The following EPB41 variants were observed in gnomAD, a reference collection of about 807,000 sequenced individuals.
EPB41 encodes the protein protein 4.1.
EPB41 carries 65 observed loss-of-function variants against 108.0 expected under a neutral mutation model. The ratio of observed to expected loss-of-function variants is 0.60; its 90% CI spans 0.49 to 0.74. The LOEUF (loss-of-function observed/expected upper bound fraction) is 0.74, where lower values mean the gene tolerates loss of function less well. EPB41 is among the 30% of genes least tolerant of loss of function. The pLI is 0.00. For missense variants in EPB41, 875 were observed against 1,037.0 expected (o/e 0.84, Z 2.15); for synonymous variants, 336 against 358.9 (o/e 0.94, Z 0.72).
At chr1:29,012,858 C>T (rs1353252557) in intron 5 of EPB41, among the ~76,000 whole-genome samples, 1 of 152,050 alleles carries the variant, frequency 6.6e-6, no homozygotes, top group Non-Finnish European at 1.5e-5. Context: ...TATAAAAGCT[C>T]GTTTTAAAAT....
chr1:29,042,282 C>G (rs1487721320), intron 11 of EPB41, among the ~76,000 whole-genome samples: 4 of 151,978 alleles, frequency 2.6e-5, no homozygotes, highest in Admixed American at 2.6e-4. Context: ...GAGTCCCTGC[C>G]CTCATTCAAT....
At chr1:29,096,983 C>T (rs1191665748) in intron 16 of EPB41, 1 of 152,204 alleles carries the variant, frequency 6.6e-6, no homozygotes, top group African/African-American at 2.4e-5. Flanking sequence ...AGGGGCAACT[C>T]ATCTTCTTAT....
intron 1 of EPB41, among the ~76,000 whole-genome samples, chr1:28,894,762 C>T (rs1047750825): frequency 9.2e-5 from 14 of 152,264 alleles, no homozygotes; most frequent in East Asian, 3.9e-4. Flanking sequence ...ACACTTTCCC[C>T]GCATAGGTGT....
chr1:28,963,919 G>C (rs1167909562), intron 1 of EPB41, among the ~76,000 whole-genome samples: 1 of 152,092 alleles, frequency 6.6e-6, no homozygotes, highest in Non-Finnish European at 1.5e-5. Flanking sequence ...GCTTTTTTCT[G>C]ACTCTGAAGC....
chr1:29,094,417 C>T (rs1015806653), intron 16 of EPB41, among the ~76,000 whole-genome samples: 1 of 152,196 alleles, frequency 6.6e-6, no homozygotes. Context: ...GCTGGGACTA[C>T]AGGCACATGC....
intron 1 of EPB41, among the ~76,000 whole-genome samples, chr1:28,924,782 G>A (rs2093344581): frequency 6.6e-6 from 1 of 152,014 alleles, no homozygotes; most frequent in African/African-American, 2.4e-5. Flanking sequence ...TAAAATAGAG[G>A]TATCTGTTCT....
At chr1:28,942,738 T>A (rs1249656826) in intron 1 of EPB41, among the ~76,000 whole-genome samples, 1 of 152,164 alleles carries the variant, frequency 6.6e-6, no homozygotes, top group Non-Finnish European at 1.5e-5. Context: ...GGAGATTGTG[T>A]GGTGGTGGTG....
At chr1:28,900,326 C>T (rs151101524) in intron 1 of EPB41, among the ~76,000 whole-genome samples, 8,308 of 148,778 alleles carry the variant, frequency 0.056, 613 homozygotes, top group African/African-American at 0.17. Context: ...CTCCTTCTAT[C>T]ACCCAGGCTG....
At chr1:28,966,981 A>G (rs1175163786) in intron 1 of EPB41, among the ~76,000 whole-genome samples, 1 of 150,220 alleles carries the variant, frequency 6.7e-6, no homozygotes, top group Non-Finnish European at 1.5e-5. Flanking sequence ...TCAGTTCAGA[A>G]GCAGGTTATA....
chr1:28,909,871 C>A (rs890525626), upstream of EPB41, among the ~76,000 whole-genome samples: 1 of 151,786 alleles, frequency 6.6e-6, no homozygotes, highest in African/African-American at 2.4e-5. Context: ...ATGCTTGAGA[C>A]CAGGAGTTCG....
intron 1 of EPB41, among the ~76,000 whole-genome samples, chr1:28,904,017 C>A (rs533389989): frequency 7.9e-5 from 12 of 152,152 alleles, no homozygotes; most frequent in Admixed American, 3.9e-4. Flanking sequence ...CAGGCACCCA[C>A]CACTGCACCC....
intron 1 of EPB41, among the ~76,000 whole-genome samples, chr1:28,956,337 G>A (rs575564468): frequency 6.6e-6 from 1 of 152,194 alleles, no homozygotes; most frequent in South Asian, 2.1e-4. Flanking sequence ...ACAAAGGCAA[G>A]AGAGAGAGAG....
intron 1 of EPB41, among the ~76,000 whole-genome samples, chr1:28,903,858 T>G (rs2091528438): frequency 1.3e-5 from 2 of 151,826 alleles, no homozygotes; most frequent in Admixed American, 6.6e-5. Flanking sequence ...GTGCAGTTTT[T>G]TTGTTGTTGT....
At chr1:29,046,137 T>A (rs2985342) in intron 11 of EPB41, among the ~76,000 whole-genome samples, 31,332 of 151,638 alleles carry the variant, frequency 0.21, 3,952 homozygotes, top group East Asian at 0.47. Flanking sequence ...ATTTTATTTT[T>A]TTTTTGAGAC....
chr1:28,965,424 G>C (rs968093015), intron 1 of EPB41, among the ~76,000 whole-genome samples: 1 of 152,016 alleles, frequency 6.6e-6, no homozygotes, highest in African/African-American at 2.4e-5. Context: ...GTTTAGTATA[G>C]GGTATTATTA....
chr1:29,000,788 A>T (rs1178871794), intron 4 of EPB41, among the ~76,000 whole-genome samples: 2 of 151,864 alleles, frequency 1.3e-5, no homozygotes, highest in Non-Finnish European at 2.9e-5. Flanking sequence ...TAAGTTTATC[A>T]TGGTAAACCT....
At position 29,058,083 on chromosome 1, in the gene EPB41, T is replaced by C. The variant is rs191282670; in HGVS notation, c.1846-506T>C. On this transcript the variant is annotated intron_variant, in intron 12 of 20. Coordinates refer to ENST00000343067, the MANE Select transcript of EPB41 (RefSeq NM_001376013.1). Reference sequence around the variant, plus strand: ...TAACAAAATCCTTTGTGTTTACTAGTTTGGTGTCATATGTGGTTTATTACA... The same window carrying C: ...TAACAAAATCCTTTGTGTTTACTAGCTTGGTGTCATATGTGGTTTATTACA... Among the ~76,000 whole-genome samples the C allele has an allele frequency of 5.7e-3, 867 of 152,348 alleles. 10 individuals carry two copies. The highest frequency in any genetic ancestry group is 0.02 in the African/African-American group (817 of 41,588).
chr1:28,894,943 C>T (rs142676748), intron 1 of EPB41, among the ~76,000 whole-genome samples: 9 of 152,274 alleles, frequency 5.9e-5, no homozygotes, highest in Non-Finnish European at 1.3e-4. Flanking sequence ...CCCTGAACTT[C>T]CCAGCAGACT....
rs982436132 is a variant in EPB41 at position 29,099,488 on chromosome 1, G to A, written c.2313+1553G>A. On this transcript the variant is annotated intron_variant, in intron 17 of 20. Coordinates refer to ENST00000343067, the MANE Select transcript of EPB41 (RefSeq NM_001376013.1). ...CTACAGGCATGCACAGCTGCACCTCGCTAATTTTTTGTAGTGACGATATTT... is the reference window on the plus strand; with the variant it reads ...CTACAGGCATGCACAGCTGCACCTCACTAATTTTTTGTAGTGACGATATTT... Among the ~76,000 whole-genome samples the A allele has an allele frequency of 3.9e-5, 6 of 151,942 alleles. 1 individual carries two copies. In the East Asian group the frequency reaches 5.8e-4, roughly 15 times the overall value.
Sources: allele counts gnomAD v4.1 joint callset (sites outside exome capture counted in the v4.1 genomes callset), GRCh38; gene constraint gnomAD v4.1.1; transcripts MANE v1.5; gene names NCBI Gene and HGNC (gene_info 2026-07-23, HGNC 2026-07-21).